Variants in SLC14A2 observed in about 807,000 individuals in gnomAD.
SLC14A2 encodes solute carrier family 14 member 2.
A neutral mutation model predicts 104.6 loss-of-function variants in SLC14A2; 91 were observed. The observed-to-expected ratio is 0.87, with a 90% CI of 0.73 to 1.04. The LOEUF is 1.04. Ranked by LOEUF, SLC14A2 falls within the 50% of genes least tolerant of loss-of-function variation. The probability of loss-of-function intolerance (pLI) is 0.00; values close to 1 mark genes in which losing one functional copy is unlikely to be tolerated. For synonymous variants in SLC14A2, 476 were observed against 466.4 expected, an observed-to-expected ratio of 1.02 and a Z score of -0.27; for missense variants, 1,189 against 1,156.0, an observed-to-expected ratio of 1.03 and a Z score of -0.41.
chr18:45,382,487 A>G (rs556132445), intron 1 of SLC14A2, among the ~76,000 whole-genome samples: 1 of 152,330 alleles, frequency 6.6e-6, no homozygotes, highest in South Asian at 2.1e-4. Flanking sequence ...GGTCTGCAAT[A>G]CATTTAGCCA....
rs201591082 is a variant in SLC14A2 at position 45,641,344 on chromosome 18, G to T, written c.1126+1G>T. On this transcript the variant is annotated splice_donor_variant, in intron 8 of 19. Coordinates refer to ENST00000255226, the MANE Select transcript of SLC14A2 (RefSeq NM_007163.4). LOFTEE classifies it high-confidence loss of function. ...ACTCACCTGCTGGCCCTCATCTGTG[G>T]TAGGTGTTCAGAAAAGCTGACAACC... 1 of 1,614,180 alleles carries T rather than the reference G, an allele frequency of 6.2e-7. No individual in the cohort carries two copies. Among genetic ancestry groups the T allele is most frequent in the Non-Finnish European group, 8.5e-7 (1 of 1,180,028 alleles).
At chr18:45,213,557 T>A (rs185132317) in intron 1 of SLC14A2, among the ~76,000 whole-genome samples, 1 of 152,356 alleles carries the variant, frequency 6.6e-6, no homozygotes, top group East Asian at 1.9e-4. Flanking sequence ...CAGGCCATTA[T>A]GGCTCTGTCT....
intron 1 of SLC14A2, among the ~76,000 whole-genome samples, chr18:45,308,348 G>A (rs953720155): frequency 7.2e-5 from 11 of 152,150 alleles, no homozygotes; most frequent in Admixed American, 3.9e-4. Context: ...CTTGTTCAAG[G>A]TCATCACCTA....
At chr18:45,447,163 G>A (rs1183528835) in intron 1 of SLC14A2, 2 of 152,184 alleles carry the variant, frequency 1.3e-5, no homozygotes, top group African/African-American at 4.8e-5. Context: ...CAGACTCAAG[G>A]AGGGAGTATC....
At chr18:45,274,970 T>C (rs1041113741) in intron 1 of SLC14A2, among the ~76,000 whole-genome samples, 4 of 152,210 alleles carry the variant, frequency 2.6e-5, no homozygotes, top group African/African-American at 9.7e-5. Context: ...TAGAGATGCG[T>C]TGACTGAATT....
At chr18:45,610,613 T>C (rs556144690), upstream of SLC14A2, among the ~76,000 whole-genome samples, 1 of 152,140 alleles carries the variant, frequency 6.6e-6, no homozygotes, top group Non-Finnish European at 1.5e-5. Context: ...GTAACTGAAC[T>C]AAAAGGAACC....
chr18:45,604,947 AT>A (rs1222914061), intron 2 of SLC14A2, among the ~76,000 whole-genome samples: 2 of 152,170 alleles, frequency 1.3e-5, no homozygotes, highest in African/African-American at 4.8e-5. Context: ...TGTATAAATT[AT>A]TTGGGCTTCT....
rs780979209 is a variant in SLC14A2 at position 45,427,446 on chromosome 18, C to T, written c.-124-55787C>T. 2.4e-4 allele frequency among the ~76,000 whole-genome samples: 36 copies of T among 152,184 alleles called. 1 individual carries two copies. Among genetic ancestry groups the T allele is most frequent in the Admixed American group, 6.5e-4 (10 of 15,272 alleles). On this transcript the variant is annotated intron_variant, in intron 1 of 20. Transcript: ENST00000586448. ...TGCCAGTGTTTCCCTTGAAGACCAC[C>T]CTGAAGTTCCTCCTGACAGTCATGC...
intron 1 of SLC14A2, among the ~76,000 whole-genome samples, chr18:45,360,649 G>A (rs1042672169): frequency 1.2e-4 from 18 of 152,218 alleles, no homozygotes; most frequent in Non-Finnish European, 2.2e-4. Flanking sequence ...TGTTTCATTT[G>A]CCTAAAGGCT....
intron 1 of SLC14A2, among the ~76,000 whole-genome samples, chr18:45,291,477 G>A (rs963135659): frequency 2.0e-5 from 3 of 152,108 alleles, no homozygotes; most frequent in African/African-American, 7.2e-5. Flanking sequence ...AGGAAATTTG[G>A]GTGGTGCTAC....
rs955656469 is a variant in SLC14A2 at position 45,644,140 on chromosome 18, A to G, written c.1331A>G (p.Glu444Gly). Residue 444 changes from glutamate to glycine, a missense_variant, in exon 10 of 20, where the codon GAA (glutamate) becomes GGA (glycine). Glu to Gly is a moderately conservative substitution (Grantham distance 98, BLOSUM62 -2). Coordinates refer to ENST00000255226, the MANE Select transcript of SLC14A2 (RefSeq NM_007163.4). ...TACTACCTGACAGTGAAAAGCGGTG[A>G]AGAAGAGAAGGCCCCCAGCGGTGAA... ...RIYYLTVKSG[E>G]EEKAPSGGGG... 1 of 1,614,234 alleles carries G rather than the reference A, an allele frequency of 6.2e-7. No homozygotes were observed. Among genetic ancestry groups the G allele is most frequent in the Non-Finnish European group, 8.5e-7 (1 of 1,180,034 alleles).
intron 1 of SLC14A2, among the ~76,000 whole-genome samples, chr18:45,457,314 C>T (rs1049832372): frequency 2.0e-5 from 3 of 152,078 alleles, no homozygotes; most frequent in African/African-American, 7.2e-5. Context: ...CCCTACCATC[C>T]CAGACGTACA....
intron 1 of SLC14A2, among the ~76,000 whole-genome samples, chr18:45,294,915 T>C (rs2084904737): frequency 6.6e-6 from 1 of 152,272 alleles, no homozygotes; most frequent in Admixed American, 6.5e-5. Flanking sequence ...AAAACACATT[T>C]GAAATATGTA....
chr18:45,333,205 G>T (rs2085306373), intron 1 of SLC14A2, among the ~76,000 whole-genome samples: 1 of 152,122 alleles, frequency 6.6e-6, no homozygotes, highest in Non-Finnish European at 1.5e-5. Context: ...ATTGACAGAA[G>T]AAGTTATTTG....
intron 1 of SLC14A2, among the ~76,000 whole-genome samples, chr18:45,214,892 A>G: frequency 7.6e-6 from 1 of 130,790 alleles, no homozygotes; most frequent in African/African-American, 2.9e-5. Context: ...GCAGGGTTTT[A>G]GTATCTATCG....
At chr18:45,537,456 G>A (rs1489955434) in intron 2 of SLC14A2, among the ~76,000 whole-genome samples, 1 of 152,160 alleles carries the variant, frequency 6.6e-6, no homozygotes, top group East Asian at 1.9e-4. Flanking sequence ...CCTGGACAGG[G>A]AACAGAGCCA....
intron 2 of SLC14A2, among the ~76,000 whole-genome samples, chr18:45,564,771 A>G (rs1177286765): frequency 6.6e-6 from 1 of 152,118 alleles, no homozygotes; most frequent in African/African-American, 2.4e-5. Context: ...CATCATTATC[A>G]TGACAGGAAA....
intron 1 of SLC14A2, among the ~76,000 whole-genome samples, chr18:45,301,205 C>T (rs144166343): frequency 1.3e-5 from 2 of 152,304 alleles, no homozygotes; most frequent in East Asian, 3.9e-4. Context: ...AATTGAGGCT[C>T]AGTGAGGACG....
At chr18:45,470,517 T>G (rs2087227722) in intron 1 of SLC14A2, among the ~76,000 whole-genome samples, 3 of 152,224 alleles carry the variant, frequency 2.0e-5, no homozygotes, top group African/African-American at 7.2e-5. Context: ...TCTTTTTATC[T>G]TTCACTAACA....
Sources: gnomAD v4.1 joint callset for allele counts (sites outside exome capture counted in the v4.1 genomes callset) on GRCh38, gnomAD v4.1.1 for gene constraint, MANE v1.5 for transcripts, NCBI Gene and HGNC (gene_info 2026-07-23, HGNC 2026-07-21) for gene names.